Variants in MDFIC observed in about 807,000 individuals in gnomAD.
MDFIC encodes myoD family inhibitor domain-containing protein.
In MDFIC, 17 loss-of-function variants were observed where a neutral mutation model predicts 23.2. The observed-to-expected ratio is 0.73, with a 90% CI of 0.50 to 1.10. The LOEUF (loss-of-function observed/expected upper bound fraction) is 1.10, where lower values mean the gene tolerates loss of function less well. Among genes scored for constraint, MDFIC ranks in the 50% least tolerant of loss-of-function variants. The pLI is 0.00. For missense variants in MDFIC, 356 were observed against 316.6 expected (o/e 1.12, Z -0.95); for synonymous variants, 120 against 115.2 (o/e 1.04, Z -0.27).
At chr7:114,978,836 A>G (rs1793365688) in intron 3 of MDFIC, among the ~76,000 whole-genome samples, 1 of 152,106 alleles carries the variant, frequency 6.6e-6, no homozygotes, top group Non-Finnish European at 1.5e-5. Context: ...TGCATAAGTC[A>G]CGTAAGGGTG....
intron 1 of MDFIC, 97 bp downstream of exon 1, chr7:114,922,733 G>T (rs1204148554): frequency 7.4e-7 from 1 of 1,347,040 alleles, no homozygotes; most frequent in Non-Finnish European, 9.7e-7. Flanking sequence ...CTCCCCGCTG[G>T]GTCCACCTCG....
intron 4 of MDFIC, among the ~76,000 whole-genome samples, chr7:114,981,412 A>C (rs1214682703): frequency 3.3e-5 from 5 of 152,198 alleles, no homozygotes; most frequent in Non-Finnish European, 4.4e-5. Context: ...AAGGAGGAAG[A>C]AAATCACCGG....
rs200613650 is a variant in MDFIC, at chr7:115,007,296, G to A, written c.494-8392G>A. ...CAGTAATAATATTTAGTAAGCACTT[G>A]CATGTTAAATCCTTTATTAAGTACT... On this transcript the variant is annotated intron_variant, in intron 4 of 4. Coordinates refer to ENST00000393486, the MANE Select transcript of MDFIC (RefSeq NM_001166345.3). 2.6e-5 allele frequency among the ~76,000 whole-genome samples: 4 copies of A among 152,262 alleles called. No homozygotes were observed. In the East Asian group the frequency reaches 7.7e-4, roughly 29 times the overall value.
Position 114,922,114 on chromosome 7 carries a change from C to A in MDFIC, c.-630C>A, listed in dbSNP as rs1477146836. ...TGCCCATTCACTCCCCTTTCCCAGCCCCGGGAGGGCGCAGCGCCCGGGTGG... is the reference window on the plus strand; with the variant it reads ...TGCCCATTCACTCCCCTTTCCCAGCACCGGGAGGGCGCAGCGCCCGGGTGG... On this transcript the variant is annotated 5_prime_UTR_variant, in exon 1 of 5. Coordinates refer to ENST00000393486, the MANE Select transcript of MDFIC (RefSeq NM_001166345.3). 1.6e-5 allele frequency: 5 copies of A among 304,080 alleles called. No individual in the cohort carries two copies. The highest frequency in any genetic ancestry group is 2.4e-5 in the Non-Finnish European group (4 of 166,446). The allele number at this position is 304,080 out of a possible 1,614,324, so 18.8% of individuals were successfully genotyped here.
At chr7:114,923,335 G>C in intron 2 of MDFIC, 5 of 1,182,262 alleles carry the variant, frequency 4.2e-6, no homozygotes, top group Non-Finnish European at 6.0e-6. Flanking sequence ...GGGAACCGTT[G>C]GTCCCTCCAC....
In MDFIC at chr7:114,979,615, T is replaced by G. The variant is rs372396974; in HGVS notation, c.327T>G (p.Ile109Met). ...CAGGTCTGAGCAATGGAAATGGAAT[T>G]CACCACGGGGCCAAACACGGATCCG... is the stretch of plus-strand genomic sequence containing the variant. ...GHTGLSNGNGIHHGAKHGSAD... is the reference protein window; with the variant it reads ...GHTGLSNGNGMHHGAKHGSAD... Residue 109 changes from isoleucine (I) to methionine (M), a missense_variant, in exon 4 of 5, where the codon ATT becomes ATG. Ile to Met is a conservative substitution (Grantham distance 10). Transcript: ENST00000393486. 1.2e-6 allele frequency: 2 copies of G among 1,613,938 alleles called. No individual in the cohort carries two copies. The highest frequency in any genetic ancestry group is 2.7e-5 in the African/African-American group (2 of 74,906).
chr7:114,923,747 A>T, intron 2 of MDFIC: 1 of 1,027,832 alleles, frequency 9.7e-7, no homozygotes, highest in Non-Finnish European at 1.3e-6. Flanking sequence ...GGAAACTTCC[A>T]TAACAAGCTT....
chr7:114,945,934 TAA>T (rs1792635232), intron 3 of MDFIC, among the ~76,000 whole-genome samples: 1 of 152,218 alleles, frequency 6.6e-6, no homozygotes, highest in South Asian at 2.1e-4. Flanking sequence ...TTGGAATTTA[TAA>T]GAGCACCAAC....
At chr7:114,929,035 A>G (rs951300713) in intron 2 of MDFIC, among the ~76,000 whole-genome samples, 7 of 152,286 alleles carry the variant, frequency 4.6e-5, no homozygotes, top group African/African-American at 1.7e-4. Context: ...TAAAAAATAT[A>G]GATATAGATC....
In MDFIC at chr7:114,926,508, A is replaced by G. The variant is rs549892151; in HGVS notation, c.94+3381A>G. The stretch of plus-strand genomic sequence containing the variant: ...GTTCCCATCCCTGTATCTTTCCCCC[A>G]ACCCCCCAAGACATTGCATTTGTCA... On this transcript the variant is annotated intron_variant, in intron 2 of 4. Coordinates refer to ENST00000393486, the MANE Select transcript of MDFIC (RefSeq NM_001166345.3). 2.4e-3 allele frequency among the ~76,000 whole-genome samples: 365 copies of G among 152,240 alleles called. 1 individual carries two copies. Among genetic ancestry groups the G allele is most frequent in the Non-Finnish European group, 3.4e-3 (233 of 68,004 alleles).
chr7:114,986,803 GATCTATTA>G (rs547502297), intron 4 of MDFIC, among the ~76,000 whole-genome samples: 10 of 152,302 alleles, frequency 6.6e-5, no homozygotes, highest in East Asian at 1.9e-4. Flanking sequence ...AGGCTTGGTT[GATCTATTA>G]ATCTATTAAT....
chr7:114,966,236 A>G (rs1346965505), intron 3 of MDFIC, among the ~76,000 whole-genome samples: 1 of 152,128 alleles, frequency 6.6e-6, no homozygotes, highest in Non-Finnish European at 1.5e-5. Context: ...AATGTCAAAG[A>G]TAATAGTCAG....
intron 3 of MDFIC, among the ~76,000 whole-genome samples, chr7:114,973,291 C>T (rs914230041): frequency 3.3e-5 from 5 of 152,064 alleles, no homozygotes; most frequent in Non-Finnish European, 7.4e-5. Flanking sequence ...CAGTGAGAGG[C>T]TCCCCTCCCT....
chr7:114,984,341 T>C (rs1435859653), intron 4 of MDFIC, among the ~76,000 whole-genome samples: 1 of 152,174 alleles, frequency 6.6e-6, no homozygotes, highest in Admixed American at 6.5e-5. Context: ...TTTTTTTTAT[T>C]GTACAGTGGT....
chr7:114,972,502 A>G (rs1415805916), intron 3 of MDFIC, among the ~76,000 whole-genome samples: 1 of 152,186 alleles, frequency 6.6e-6, no homozygotes, highest in Non-Finnish European at 1.5e-5. Context: ...ATTTTACATA[A>G]TGGTCTTCAA....
chr7:114,966,796 G>A (rs528030249), intron 3 of MDFIC, among the ~76,000 whole-genome samples: 4 of 152,302 alleles, frequency 2.6e-5, no homozygotes, highest in African/African-American at 7.2e-5. Context: ...CCACAGGGCA[G>A]GGTTAGGCCC....
rs1791865178 is a variant in MDFIC, at chr7:115,019,804, G to T, written c.*3869G>T. ...TAAACAATGGTTAATATATTAATAG[G>T]GTTTGTTCCACACTTACTATTTATA... is the stretch of plus-strand genomic sequence containing the variant. On this transcript the variant is annotated 3_prime_UTR_variant, in exon 5 of 5. Coordinates refer to ENST00000393486, the MANE Select transcript of MDFIC (RefSeq NM_001166345.3). Among the ~76,000 whole-genome samples the T allele has an allele frequency of 6.6e-6, 1 of 151,850 alleles. No homozygotes were observed. Among genetic ancestry groups the T allele is most frequent in the African/African-American group, 2.4e-5 (1 of 41,328 alleles).
At chr7:114,982,741 A>G (rs962033617) in intron 4 of MDFIC, among the ~76,000 whole-genome samples, 1 of 152,116 alleles carries the variant, frequency 6.6e-6, no homozygotes, top group Non-Finnish European at 1.5e-5. Context: ...TATTTGATAA[A>G]GATCAGAAGT....
Position 114,984,760 on chromosome 7 carries a change from T to C in MDFIC, c.493+4979T>C, listed in dbSNP as rs374068475. Among the ~76,000 whole-genome samples, 62 of 152,338 alleles carry C rather than the reference T, an allele frequency of 4.1e-4. 1 individual carries two copies. The South Asian group carries it at 0.012, about 28-fold the overall frequency. ...TTTTCATTAGACTCAAAGACACTTT[T>C]CTTATAGGAATGGTAAATCTTAGTA... On this transcript the variant is annotated intron_variant, in intron 4 of 4. Transcript: ENST00000393486.
Sources: gnomAD v4.1 joint callset for allele counts (sites outside exome capture counted in the v4.1 genomes callset) on GRCh38, gnomAD v4.1.1 for gene constraint, MANE v1.5 for transcripts, NCBI Gene and HGNC (gene_info 2026-07-23, HGNC 2026-07-21) for gene names.